The following CDH18 variants were observed in gnomAD, a reference collection of about 807,000 sequenced individuals.
CDH18 encodes cadherin-18.
Under a neutral mutation model 67.9 loss-of-function variants are expected in CDH18, and 31 were observed. The observed-to-expected ratio is 0.46, with a 90% CI of 0.34 to 0.62. The LOEUF is 0.62. CDH18 is among the 20% of genes least tolerant of loss of function. CDH18 has a pLI of 0.01. For synonymous variants in CDH18, 362 were observed against 347.2 expected (o/e 1.04, Z -0.48); for missense variants, 890 against 975.5 (o/e 0.91, Z 1.17).
chr5:20,195,483 A>C (rs1370453250), intron 2 of CDH18, among the ~76,000 whole-genome samples: 1 of 152,044 alleles, frequency 6.6e-6, no homozygotes, highest in Admixed American at 6.6e-5. Flanking sequence ...CACATATAAT[A>C]TTATTAAATA....
chr5:19,575,480 A>G (rs2149957903), intron 7 of CDH18, among the ~76,000 whole-genome samples: 1 of 152,268 alleles, frequency 6.6e-6, no homozygotes, highest in Non-Finnish European at 1.5e-5. Context: ...TATACAAAAG[A>G]TCATTTCATA....
At chr5:20,108,787 C>T (rs947616705) in intron 2 of CDH18, among the ~76,000 whole-genome samples, 3 of 152,104 alleles carry the variant, frequency 2.0e-5, no homozygotes, top group Non-Finnish European at 2.9e-5. Flanking sequence ...TTTAACGTGA[C>T]AGTAAGGTGT....
chr5:20,451,999 T>C (rs112241049), intron 1 of CDH18, among the ~76,000 whole-genome samples: 3,451 of 152,166 alleles, frequency 0.023, 128 homozygotes, highest in African/African-American at 0.079. Context: ...TGTAAAGAAA[T>C]TTATATACTT....
intron 2 of CDH18, among the ~76,000 whole-genome samples, chr5:19,935,321 G>A (rs1794117838): frequency 6.6e-6 from 1 of 151,256 alleles, no homozygotes; most frequent in Admixed American, 6.6e-5. Flanking sequence ...AAGTAAGCTA[G>A]GCGATTTCAG....
At chr5:19,892,757 G>C (rs993503488) in intron 2 of CDH18, among the ~76,000 whole-genome samples, 1 of 152,102 alleles carries the variant, frequency 6.6e-6, no homozygotes, top group Non-Finnish European at 1.5e-5. Context: ...ACATATGGGT[G>C]AGCTCATTTT....
intron 2 of CDH18, among the ~76,000 whole-genome samples, chr5:19,914,269 C>T (rs141076650): frequency 2.0e-4 from 31 of 152,018 alleles, no homozygotes; most frequent in Non-Finnish European, 3.8e-4. Flanking sequence ...AAGACCATTC[C>T]GTTATATGCA....
intron 5 of CDH18, among the ~76,000 whole-genome samples, chr5:19,621,394 A>G (rs990151196): frequency 2.0e-5 from 3 of 151,986 alleles, no homozygotes; most frequent in East Asian, 3.9e-4. Flanking sequence ...ATGAGGTGAT[A>G]TCTCCTTGTG....
At chr5:20,046,676 G>GTA (rs1248585974) in intron 2 of CDH18, among the ~76,000 whole-genome samples, 11 of 149,194 alleles carry the variant, frequency 7.4e-5, no homozygotes, top group Middle Eastern at 3.6e-3. Context: ...GTGTGTGTGT[G>GTA]TATATATATA....
intron 5 of CDH18, among the ~76,000 whole-genome samples, chr5:19,629,161 T>G (rs1199898525): frequency 6.6e-6 from 1 of 152,132 alleles, no homozygotes; most frequent in Non-Finnish European, 1.5e-5. Flanking sequence ...ATAAGAAGAC[T>G]GGTTGGAAGT....
intron 1 of CDH18, among the ~76,000 whole-genome samples, chr5:20,408,520 T>C (rs10941742): frequency 0.55 from 83,669 of 151,662 alleles, 23,454 homozygotes; most frequent in Middle Eastern, 0.63. Flanking sequence ...TTAGTGCAAA[T>C]AGACTGTTAT....
intron 7 of CDH18, among the ~76,000 whole-genome samples, chr5:19,573,771 C>G (rs552075234): frequency 6.6e-6 from 1 of 152,276 alleles, no homozygotes; most frequent in Non-Finnish European, 1.5e-5. Flanking sequence ...AAAATGGTCC[C>G]TCTTGGCTTA....
chr5:20,276,430 C>CA (rs1338929032), intron 1 of CDH18, among the ~76,000 whole-genome samples: 1 of 152,176 alleles, frequency 6.6e-6, no homozygotes, highest in Non-Finnish European at 1.5e-5. Flanking sequence ...TCTAGACCCA[C>CA]AATGGGCCAG....
chr5:19,545,051 A>G (rs1273318982), intron 8 of CDH18, among the ~76,000 whole-genome samples: 1 of 152,106 alleles, frequency 6.6e-6, no homozygotes, highest in Non-Finnish European at 1.5e-5. Flanking sequence ...CTGAATATAT[A>G]CTATTAAACA....
At chr5:20,547,858 C>A in intron 1 of CDH18, among the ~76,000 whole-genome samples, 1 of 151,806 alleles carries the variant, frequency 6.6e-6, no homozygotes, top group East Asian at 1.9e-4. Context: ...GTCATAGAAT[C>A]CCAGATACTT....
intron 2 of CDH18, among the ~76,000 whole-genome samples, chr5:20,249,024 G>A (rs977393624): frequency 2.0e-5 from 3 of 152,084 alleles, no homozygotes; most frequent in Non-Finnish European, 4.4e-5. Flanking sequence ...ATTGGATTAA[G>A]AAAGTCATAT....
intron 3 of CDH18, among the ~76,000 whole-genome samples, chr5:19,761,022 G>A (rs1772269302): frequency 6.6e-6 from 1 of 152,056 alleles, no homozygotes; most frequent in Non-Finnish European, 1.5e-5. Flanking sequence ...CAGGTTTATT[G>A]GGGTCCTCCC....
intron 1 of CDH18, among the ~76,000 whole-genome samples, chr5:20,328,769 G>T (rs1738870901): frequency 6.6e-6 from 1 of 152,118 alleles, no homozygotes; most frequent in African/African-American, 2.4e-5. Context: ...CAAGGTGGGT[G>T]GATCCCTTGA....
At chr5:19,715,543 T>A (rs1052003079) in intron 5 of CDH18, among the ~76,000 whole-genome samples, 1 of 152,136 alleles carries the variant, frequency 6.6e-6, no homozygotes, top group Admixed American at 6.6e-5. Context: ...ATTGTCTAAC[T>A]TTTATCTCCT....
chr5:19,480,002 C>T (rs1028892256), intron 12 of CDH18, among the ~76,000 whole-genome samples: 6 of 152,126 alleles, frequency 3.9e-5, no homozygotes, highest in African/African-American at 1.4e-4. Context: ...TAATGCACCT[C>T]AACATGTACC....
Sources: gnomAD v4.1 joint callset for allele counts (sites outside exome capture counted in the v4.1 genomes callset) on GRCh38, gnomAD v4.1.1 for gene constraint, MANE v1.5 for transcripts, NCBI Gene and HGNC (gene_info 2026-07-23, HGNC 2026-07-21) for gene names.